Variants in OR14A2 observed in about 807,000 individuals in gnomAD.
OR14A2 encodes olfactory receptor family 14 subfamily A member 2.
For synonymous variants in OR14A2, 114 were observed against 58.6 expected, an observed-to-expected ratio of 1.95 and a Z score of -4.32; for missense variants, 237 against 152.9, an observed-to-expected ratio of 1.55 and a Z score of -2.90.
At chr1:247,739,826 C>T in the OR14A2 span, among the ~76,000 whole-genome samples, 2 of 151,916 alleles carry the variant, frequency 1.3e-5, no homozygotes, top group South Asian at 2.1e-4. Flanking sequence ...TATCATGTCT[C>T]GGCTTCCCAA....
At chr1:247,728,593 GA>G (rs1177261628), upstream of OR14A2, among the ~76,000 whole-genome samples, 1 of 152,022 alleles carries the variant, frequency 6.6e-6, no homozygotes, top group Non-Finnish European at 1.5e-5. Context: ...GCAGGAGAAG[GA>G]AATAAAGGGT....
upstream of OR14A2, among the ~76,000 whole-genome samples, chr1:247,724,805 A>G (rs1451119832): frequency 1.3e-5 from 2 of 152,156 alleles, no homozygotes; most frequent in African/African-American, 2.4e-5. Flanking sequence ...GGGCACCATG[A>G]TAAAATGGCT....
At chr1:247,736,128 G>A in the OR14A2 span, among the ~76,000 whole-genome samples, 1 of 150,192 alleles carries the variant, frequency 6.7e-6, no homozygotes, top group African/African-American at 2.5e-5. Context: ...AACATTTTCC[G>A]GAGCTGAAGA....
chr1:247,741,406 C>A, the OR14A2 span, among the ~76,000 whole-genome samples: 1 of 152,098 alleles, frequency 6.6e-6, no homozygotes, highest in Non-Finnish European at 1.5e-5. Context: ...CATTTCAATG[C>A]ACCATAAATT....
upstream of OR14A2, among the ~76,000 whole-genome samples, chr1:247,725,513 ATTTT>A (rs1014481153): frequency 1.5e-4 from 22 of 143,120 alleles, no homozygotes; most frequent in Admixed American, 6.1e-4. Flanking sequence ...TTATTTATTT[ATTTT>A]TTATTTATTT....
chr1:247,739,102 C>T, the OR14A2 span: 1 of 780,892 alleles, frequency 1.3e-6, no homozygotes, highest in South Asian at 1.3e-5. Context: ...GGAACATTCT[C>T]TCTGAATTTT....
At chr1:247,724,516 A>C (rs1368071411), upstream of OR14A2, among the ~76,000 whole-genome samples, 1 of 152,178 alleles carries the variant, frequency 6.6e-6, no homozygotes, top group Non-Finnish European at 1.5e-5. Context: ...TGATGTTGTA[A>C]ACATGAAGTC....
At chr1:247,744,328 C>T in the OR14A2 span, among the ~76,000 whole-genome samples, 3 of 152,102 alleles carry the variant, frequency 2.0e-5, no homozygotes, top group African/African-American at 7.2e-5. The surrounding 1 kb of genome is among the most constrained non-coding windows in gnomAD (Gnocchi z 4.3). Context: ...CTAATGTAAT[C>T]ACGTTAAATC....
the OR14A2 span, among the ~76,000 whole-genome samples, chr1:247,743,117 T>A: frequency 1.6e-4 from 24 of 152,336 alleles, 1 homozygote; most frequent in Middle Eastern, 0.01. Context: ...TCAAATTTCA[T>A]AAAGTCTAAA....
chr1:247,740,204 CTA>C, the OR14A2 span, among the ~76,000 whole-genome samples: 1 of 152,108 alleles, frequency 6.6e-6, no homozygotes, highest in Admixed American at 6.6e-5. Flanking sequence ...CTTTATTGTC[CTA>C]TCTTTTCCAG....
At chr1:247,729,986 C>T in the OR14A2 span, among the ~76,000 whole-genome samples, 2 of 152,000 alleles carry the variant, frequency 1.3e-5, no homozygotes, top group Non-Finnish European at 2.9e-5. Context: ...CCTTCATTAT[C>T]ATTATTTTTT....
chr1:247,745,103 C>T, the OR14A2 span, among the ~76,000 whole-genome samples: 1 of 151,970 alleles, frequency 6.6e-6, no homozygotes, highest in Non-Finnish European at 1.5e-5. Flanking sequence ...GCTATGACTC[C>T]TCACATAAAA....
chr1:247,734,625 T>C, the OR14A2 span, among the ~76,000 whole-genome samples: 2 of 152,236 alleles, frequency 1.3e-5, no homozygotes, highest in African/African-American at 4.8e-5. Flanking sequence ...CAGTGTTTTC[T>C]ACATTGATCT....
chr1:247,737,229 C>G, the OR14A2 span, among the ~76,000 whole-genome samples: 1 of 152,020 alleles, frequency 6.6e-6, no homozygotes, highest in Non-Finnish European at 1.5e-5. Context: ...CTCATCCTCT[C>G]GGCTGTGTGT....
chr1:247,729,170 A>C, the OR14A2 span, among the ~76,000 whole-genome samples: 1 of 152,146 alleles, frequency 6.6e-6, no homozygotes, highest in Non-Finnish European at 1.5e-5. Flanking sequence ...AAAATGTTTT[A>C]AATATTTTCT....
chr1:247,726,375 GGTT>G, upstream of OR14A2, among the ~76,000 whole-genome samples: 1 of 139,708 alleles, frequency 7.2e-6, no homozygotes, highest in African/African-American at 2.9e-5. Context: ...TTTTTGATGG[GGTT>G]GTTTGTTTTT....
the OR14A2 span, among the ~76,000 whole-genome samples, chr1:247,735,095 A>G: frequency 1.3e-5 from 2 of 152,220 alleles, no homozygotes; most frequent in African/African-American, 4.8e-5. Flanking sequence ...TAAGAATGAA[A>G]CAGATGTTGA....
At chr1:247,734,693 T>A in the OR14A2 span, among the ~76,000 whole-genome samples, 1 of 152,168 alleles carries the variant, frequency 6.6e-6, no homozygotes, top group Non-Finnish European at 1.5e-5. Flanking sequence ...AGCTAATTTT[T>A]AAAATGTAGA....
chr1:247,725,027 C>A (rs1296848450), upstream of OR14A2, among the ~76,000 whole-genome samples: 2 of 151,396 alleles, frequency 1.3e-5, no homozygotes, highest in African/African-American at 4.8e-5. Context: ...AAAAAATAAA[C>A]AACTTTGTTT....
Sources: gnomAD v4.1 joint callset for allele counts (sites outside exome capture counted in the v4.1 genomes callset) on GRCh38, gnomAD v4.1.1 for gene constraint, Gnocchi (gnomAD v3.1) non-coding constraint, MANE v1.5 for transcripts, NCBI Gene and HGNC (gene_info 2026-07-23, HGNC 2026-07-21) for gene names.